The following CPVL variants were observed in gnomAD, a reference collection of about 807,000 sequenced individuals.
The protein encoded by CPVL is carboxypeptidase vitellogenic like.
In CPVL, 51 loss-of-function variants were observed where a neutral mutation model predicts 63.7. That is an observed-to-expected ratio of 0.80 (90% CI 0.64 to 1.01). CPVL has a LOEUF of 1.01. Among genes scored for constraint, CPVL ranks in the 50% least tolerant of loss-of-function variants. CPVL has a pLI of 0.00. For missense variants in CPVL, 530 were observed against 573.1 expected (o/e 0.92, Z 0.77); for synonymous variants, 195 against 206.0 (o/e 0.95, Z 0.46).
chr7:29,154,190 C>T (rs2128697434), intron 5 of CPVL, among the ~76,000 whole-genome samples: 1 of 152,272 alleles, frequency 6.6e-6, no homozygotes, highest in East Asian at 1.9e-4. Context: ...GTGGGCTTCT[C>T]ATTGCAGAAT....
At chr7:29,031,219 T>C (rs534038240) in intron 11 of CPVL, among the ~76,000 whole-genome samples, 1 of 152,220 alleles carries the variant, frequency 6.6e-6, no homozygotes, top group Non-Finnish European at 1.5e-5. Context: ...CCTACATTGA[T>C]TTCAGTAGCA....
chr7:29,183,670 C>T (rs1019573591), intron 4 of CPVL, among the ~76,000 whole-genome samples: 15 of 152,090 alleles, frequency 9.9e-5, no homozygotes, highest in Non-Finnish European at 1.9e-4. Flanking sequence ...AGCCACCACA[C>T]CTGGCCCAGA....
intron 12 of CPVL, among the ~76,000 whole-genome samples, chr7:29,028,463 T>C (rs1160848440): frequency 6.6e-6 from 1 of 152,156 alleles, no homozygotes; most frequent in Non-Finnish European, 1.5e-5. Context: ...CCCAAAAGCA[T>C]AGGTGATAAA....
intron 5 of CPVL, among the ~76,000 whole-genome samples, chr7:29,165,806 G>A (rs1357369033): frequency 1.3e-5 from 2 of 152,104 alleles, no homozygotes; most frequent in African/African-American, 4.8e-5. Flanking sequence ...ACCATATGGT[G>A]TTTCTTTTTA....
intron 11 of CPVL, among the ~76,000 whole-genome samples, chr7:29,033,630 G>T (rs987847854): frequency 1.3e-5 from 2 of 152,216 alleles, no homozygotes; most frequent in Admixed American, 6.5e-5. Context: ...AAAGACAGAA[G>T]GGAGGAGACA....
chr7:29,116,734 C>T (rs1432975756), intron 2 of CPVL, among the ~76,000 whole-genome samples: 1 of 152,202 alleles, frequency 6.6e-6, no homozygotes, highest in African/African-American at 2.4e-5. Context: ...TGTTTATAAA[C>T]AAGCTAAAAT....
chr7:29,098,962 G>A (rs1786751551), intron 3 of CPVL, among the ~76,000 whole-genome samples: 1 of 152,176 alleles, frequency 6.6e-6, no homozygotes, highest in Non-Finnish European at 1.5e-5. Flanking sequence ...CTACTTGGGA[G>A]GCTAAGGCAG....
At chr7:29,081,379 A>G (rs1784694774) in intron 7 of CPVL, 1 of 152,242 alleles carries the variant, frequency 6.6e-6, no homozygotes, top group Non-Finnish European at 1.5e-5. Context: ...GCAGAAATGA[A>G]GAGGAGGAGG....
chr7:29,093,354 G>C (rs1014810078), intron 5 of CPVL, among the ~76,000 whole-genome samples: 10 of 141,546 alleles, frequency 7.1e-5, no homozygotes, highest in African/African-American at 2.6e-4. Flanking sequence ...TCCAGCCTGG[G>C]TGACCAAGCG....
chr7:29,138,417 G>C (rs1200869944), intron 1 of CPVL, among the ~76,000 whole-genome samples: 1 of 152,194 alleles, frequency 6.6e-6, no homozygotes, highest in Non-Finnish European at 1.5e-5. Flanking sequence ...TCCAGCCTGG[G>C]CAAAAGAGCG....
chr7:29,125,489 TTCAAGCGATTCTCTTGCC>T (rs745373390), intron 1 of CPVL, among the ~76,000 whole-genome samples: 3 of 151,036 alleles, frequency 2.0e-5, no homozygotes, highest in Non-Finnish European at 2.9e-5. Flanking sequence ...GCCTCCTCGG[TTCAAGCGATTCTCTTGCC>T]TCAGCCCCCC....
chr7:29,120,877 A>C lies in CPVL; in HGVS notation c.169+16T>G. On this transcript the variant is annotated intron_variant, in intron 2 of 12. Coordinates refer to ENST00000265394, the MANE Select transcript of CPVL (RefSeq NM_031311.5). ...ACTCATGCCAGTGGTTTTCTGATTTAATTAAACTTACTTACCTTTTTGGAT... is the reference window on the plus strand; with the variant it reads ...ACTCATGCCAGTGGTTTTCTGATTTCATTAAACTTACTTACCTTTTTGGAT... 6.3e-7 allele frequency: 1 copy of C among 1,596,748 alleles called. No individual in the cohort carries two copies. Among genetic ancestry groups the C allele is most frequent in the Non-Finnish European group, 8.6e-7 (1 of 1,168,888 alleles).
At chr7:29,035,037 T>A (rs929944311) in intron 11 of CPVL, among the ~76,000 whole-genome samples, 4 of 152,042 alleles carry the variant, frequency 2.6e-5, no homozygotes, top group Non-Finnish European at 2.9e-5. Context: ...AAAAACTCAT[T>A]CCAGAATTCA....
intron 11 of CPVL, among the ~76,000 whole-genome samples, chr7:29,040,248 C>T (rs1584068465): frequency 6.6e-6 from 1 of 152,290 alleles, no homozygotes; most frequent in East Asian, 1.9e-4. Flanking sequence ...CATGTCCCAC[C>T]AGTGCCTTCC....
intron 5 of CPVL, 111 bp downstream of exon 5, chr7:29,094,973 A>T: frequency 1.3e-6 from 1 of 789,682 alleles, no homozygotes; most frequent in Non-Finnish European, 2.1e-6. Flanking sequence ...ATTAAATTCT[A>T]TTTTCAAAAG....
At chr7:29,158,213 A>G (rs1036232797) in intron 5 of CPVL, among the ~76,000 whole-genome samples, 1 of 152,224 alleles carries the variant, frequency 6.6e-6, no homozygotes, top group Non-Finnish European at 1.5e-5. Flanking sequence ...ATGAATGTCT[A>G]CAATCAAGGA....
chr7:29,155,189 A>G (rs538458592), intron 5 of CPVL, among the ~76,000 whole-genome samples: 237 of 152,282 alleles, frequency 1.6e-3, no homozygotes, highest in Admixed American at 3.2e-3. Context: ...ATATCACTCC[A>G]TCTCAAAAAA....
chr7:29,128,184 T>TG (rs1790258091), intron 1 of CPVL: 2 of 150,780 alleles, frequency 1.3e-5, no homozygotes, highest in African/African-American at 4.9e-5. Flanking sequence ...AGTTTTTTTT[T>TG]TTTTTTTTTT....
intron 12 of CPVL, among the ~76,000 whole-genome samples, chr7:29,019,086 C>T (rs559834191): frequency 3.3e-5 from 5 of 151,688 alleles, no homozygotes; most frequent in Non-Finnish European, 5.9e-5. Flanking sequence ...TCTATGTAAG[C>T]ATAGAGAGCA....
Sources: allele counts gnomAD v4.1 joint callset (sites outside exome capture counted in the v4.1 genomes callset), GRCh38; gene constraint gnomAD v4.1.1; transcripts MANE v1.5; gene names NCBI Gene and HGNC (gene_info 2026-07-23, HGNC 2026-07-21).